Variants in TM7SF3 observed in about 807,000 individuals in gnomAD.
TM7SF3 encodes transmembrane 7 superfamily member 3, also known as seven span transmembrane protein.
TM7SF3 carries 60 observed loss-of-function variants against 65.5 expected under a neutral mutation model. The ratio of observed to expected loss-of-function variants is 0.92; its 90% CI spans 0.74 to 1.14. The LOEUF is 1.14. TM7SF3 is among the 50% of genes most tolerant of loss of function. The probability of loss-of-function intolerance (pLI) is 0.00; values close to 1 mark genes in which losing one functional copy is unlikely to be tolerated. For synonymous variants in TM7SF3, 264 were observed against 259.6 expected (o/e 1.02, Z -0.16); for missense variants, 623 against 684.8 (o/e 0.91, Z 1.01).
At chr12:26,995,431 A>G in intron 4 of TM7SF3, 23 bp from the exon 5 acceptor site, 1 of 1,613,556 alleles carries the variant, frequency 6.2e-7, no homozygotes. Flanking sequence ...AACAAAATGA[A>G]ACATCAGTCT....
intron 6 of TM7SF3, among the ~76,000 whole-genome samples, chr12:26,987,364 T>G (rs937964797): frequency 1.3e-5 from 2 of 152,068 alleles, no homozygotes; most frequent in Admixed American, 6.5e-5. Flanking sequence ...GAATGGTCGC[T>G]CTCTCTCTCC....
At chr12:27,010,734 C>T (rs1229450962) in intron 1 of TM7SF3, among the ~76,000 whole-genome samples, 1 of 152,194 alleles carries the variant, frequency 6.6e-6, no homozygotes. Context: ...CATTAGCTTT[C>T]CTCTAAAAAG....
At chr12:26,984,799 C>A (rs1939971538) in intron 6 of TM7SF3, among the ~76,000 whole-genome samples, 1 of 152,116 alleles carries the variant, frequency 6.6e-6, no homozygotes, top group Non-Finnish European at 1.5e-5. Flanking sequence ...TACGATAAAA[C>A]AAGACATAAA....
chr12:27,014,271 T>TG lies in TM7SF3; in HGVS notation c.-104_-103insC. 9.8e-7 allele frequency: 1 copy of TG among 1,017,988 alleles called. No homozygotes were observed. Among genetic ancestry groups the TG allele is most frequent in the Non-Finnish European group, 1.4e-6 (1 of 739,512 alleles). 63.1% of individuals were successfully genotyped at this position (1,017,988 alleles called of 1,614,324 possible). Reference sequence around the variant, plus strand: ...CCCACGCTATCCCGGGGCGCCCGCATCGGGCGCCATCGCCCGCCAGGTGCA... The same window carrying TG: ...CCCACGCTATCCCGGGGCGCCCGCATGCGGGCGCCATCGCCCGCCAGGTGCA... On this transcript the variant is annotated 5_prime_UTR_variant, in exon 1 of 12. An upstream open reading frame in the 5' UTR loses its in-frame stop. Transcript: ENST00000343028.
At chr12:26,989,866 C>T (rs1195131795) in intron 6 of TM7SF3, among the ~76,000 whole-genome samples, 1 of 152,152 alleles carries the variant, frequency 6.6e-6, no homozygotes, top group Non-Finnish European at 1.5e-5. Context: ...CAAAACCTTC[C>T]AATGCCTTTC....
At chr12:26,999,172 G>A (rs1005354002) in intron 3 of TM7SF3, among the ~76,000 whole-genome samples, 4 of 152,022 alleles carry the variant, frequency 2.6e-5, no homozygotes, top group Non-Finnish European at 2.9e-5. Flanking sequence ...TGAGGCGGGC[G>A]AATCACAAGG....
At chr12:26,980,794 A>G in intron 7 of TM7SF3, 148 bp from the exon 8 acceptor site, 3 of 525,480 alleles carry the variant, frequency 5.7e-6, no homozygotes. Context: ...AGAAGAAAAA[A>G]AAAATCTAAA....
chr12:26,996,092 T>C (rs1400145154), intron 4 of TM7SF3, among the ~76,000 whole-genome samples: 1 of 151,808 alleles, frequency 6.6e-6, no homozygotes, highest in East Asian at 1.9e-4. Context: ...AGCAGGAGGA[T>C]TGCTTGAGCT....
intron 1 of TM7SF3, among the ~76,000 whole-genome samples, chr12:27,005,390 T>C (rs1940991254): frequency 6.6e-6 from 1 of 152,198 alleles, no homozygotes; most frequent in African/African-American, 2.4e-5. Context: ...TTGGGCACCA[T>C]GATCAAAACT....
At chr12:26,986,541 C>T (rs34750482) in intron 6 of TM7SF3, among the ~76,000 whole-genome samples, 2,444 of 152,260 alleles carry the variant, frequency 0.016, 31 homozygotes, top group Middle Eastern at 0.044. Flanking sequence ...TAATACTACC[C>T]CCCACCTTGA....
intron 2 of TM7SF3, among the ~76,000 whole-genome samples, chr12:27,001,624 T>C: frequency 6.6e-6 from 1 of 152,182 alleles, no homozygotes; most frequent in Admixed American, 6.5e-5. Flanking sequence ...ATTTCACCCA[T>C]CCTCTCTCTT....
At chr12:27,002,109 A>T (rs900090251) in intron 2 of TM7SF3, among the ~76,000 whole-genome samples, 1 of 152,204 alleles carries the variant, frequency 6.6e-6, no homozygotes, top group Non-Finnish European at 1.5e-5. Context: ...GGTAGGGGAA[A>T]GAAGGCAGGA....
intron 5 of TM7SF3, among the ~76,000 whole-genome samples, chr12:26,991,675 A>G (rs1002518089): frequency 1.3e-5 from 2 of 152,220 alleles, no homozygotes; most frequent in African/African-American, 2.4e-5. Flanking sequence ...AAAGTTCAAC[A>G]AACTGTTAAT....
intron 1 of TM7SF3, among the ~76,000 whole-genome samples, chr12:27,007,278 C>A (rs571012881): frequency 2.6e-5 from 4 of 152,162 alleles, no homozygotes; most frequent in Non-Finnish European, 5.9e-5. Flanking sequence ...GCCTACAGTG[C>A]GAACCAGGCA....
intron 6 of TM7SF3, among the ~76,000 whole-genome samples, chr12:26,989,173 T>C (rs1348775582): frequency 1.3e-5 from 2 of 152,184 alleles, no homozygotes; most frequent in Non-Finnish European, 2.9e-5. Context: ...TGGTGGCTTA[T>C]GCCTGTAATC....
Position 26,996,738 on chromosome 12 carries a change from G to A in TM7SF3, c.518+4C>T, listed in dbSNP as rs56089328. 41 of 1,608,532 alleles carry A rather than the reference G, an allele frequency of 2.5e-5. No homozygotes were observed. In the South Asian group the frequency reaches 2.7e-4, roughly 10 times the overall value. On this transcript the variant is annotated splice_donor_region_variant and intron_variant, in intron 4 of 11. Coordinates refer to ENST00000343028, the MANE Select transcript of TM7SF3 (RefSeq NM_016551.3). ...CATTTCTCAGACATGGGAGACAGAC[G>A]TACCTCGCATAGCCTAGGTTTGCTG...
At chr12:27,009,081 C>CAT (rs916301018) in intron 1 of TM7SF3, among the ~76,000 whole-genome samples, 2 of 152,198 alleles carry the variant, frequency 1.3e-5, no homozygotes, top group African/African-American at 4.8e-5. Context: ...GTCAAGTGAA[C>CAT]ATATGTGTTT....
At chr12:27,009,528 G>C (rs961413173) in intron 1 of TM7SF3, among the ~76,000 whole-genome samples, 1 of 151,806 alleles carries the variant, frequency 6.6e-6, no homozygotes, top group Non-Finnish European at 1.5e-5. Flanking sequence ...GTTTCTTGAG[G>C]CTATTTTAAA....
chr12:27,006,493 C>A (rs190745686), intron 1 of TM7SF3, among the ~76,000 whole-genome samples: 1 of 152,110 alleles, frequency 6.6e-6, no homozygotes, highest in African/African-American at 2.4e-5. Flanking sequence ...AAAAAAGGGA[C>A]AAAATGGGAC....
Sources: gnomAD v4.1 joint callset for allele counts (sites outside exome capture counted in the v4.1 genomes callset) on GRCh38, gnomAD v4.1.1 for gene constraint, MANE v1.5 for transcripts, NCBI Gene and HGNC (gene_info 2026-07-23, HGNC 2026-07-21) for gene names.